The following IGSF10 variants were observed in gnomAD, a reference collection of about 807,000 sequenced individuals.
IGSF10 encodes the protein calvaria mechanical force protein 608.
Under a neutral mutation model 128.2 loss-of-function variants are expected in IGSF10, and 126 were observed. That is an observed-to-expected ratio of 0.98 (90% CI 0.85 to 1.14). The LOEUF is 1.14. Among genes scored for constraint, IGSF10 ranks in the 50% most tolerant of loss-of-function variants. IGSF10 has a pLI of 0.00. For synonymous variants in IGSF10, 1,185 were observed against 1,146.2 expected, an observed-to-expected ratio of 1.03 and a Z score of -0.68; for missense variants, 3,295 against 3,149.8, an observed-to-expected ratio of 1.05 and a Z score of -1.10.
the IGSF10 span, among the ~76,000 whole-genome samples, chr3:151,530,753 CA>C: frequency 6.6e-6 from 1 of 152,168 alleles, no homozygotes; most frequent in Non-Finnish European, 1.5e-5. Flanking sequence ...CTAGCCACTT[CA>C]AAAACATACC....
At chr3:151,599,304 T>C in the IGSF10 span, among the ~76,000 whole-genome samples, 2 of 152,066 alleles carry the variant, frequency 1.3e-5, no homozygotes, top group African/African-American at 4.8e-5. Context: ...AGGCTGAGGA[T>C]AGGCCAGCAC....
the IGSF10 span, among the ~76,000 whole-genome samples, chr3:151,531,882 A>T: frequency 1.3e-5 from 2 of 152,194 alleles, no homozygotes; most frequent in Non-Finnish European, 2.9e-5. Flanking sequence ...TCAAAATATC[A>T]ATGAACCCAG....
At chr3:151,553,406 G>T in the IGSF10 span, among the ~76,000 whole-genome samples, 1 of 151,872 alleles carries the variant, frequency 6.6e-6, no homozygotes, top group African/African-American at 2.4e-5. Context: ...CTATTCTTTT[G>T]AGTCAGTAGC....
chr3:151,435,707 A>ATCAT (rs1282050115), downstream of IGSF10: 2 of 152,210 alleles, frequency 1.3e-5, no homozygotes, highest in Non-Finnish European at 2.9e-5. Context: ...GATAAGATCA[A>ATCAT]TCATTTAATA....
the IGSF10 span, among the ~76,000 whole-genome samples, chr3:151,484,867 A>C: frequency 6.6e-6 from 1 of 152,220 alleles, no homozygotes; most frequent in South Asian, 2.1e-4. Context: ...AAAAAGGCTG[A>C]AAATTCCAAA....
At chr3:151,577,726 A>T in the IGSF10 span, among the ~76,000 whole-genome samples, 1 of 152,076 alleles carries the variant, frequency 6.6e-6, no homozygotes, top group Non-Finnish European at 1.5e-5. Context: ...GACCTCTGAG[A>T]ACTATAGATA....
the IGSF10 span, among the ~76,000 whole-genome samples, chr3:151,507,417 T>C: frequency 3.9e-5 from 6 of 152,160 alleles, no homozygotes; most frequent in African/African-American, 9.7e-5. Flanking sequence ...AAGTAGATAA[T>C]CTTAAAATAT....
downstream of IGSF10, chr3:151,432,768 A>G (rs1308157194): frequency 2.5e-6 from 4 of 1,613,292 alleles, no homozygotes; most frequent in Non-Finnish European, 3.4e-6. Flanking sequence ...AGCCACAGCA[A>G]GGAGTGACTC....
At chr3:151,591,727 T>G in the IGSF10 span, among the ~76,000 whole-genome samples, 665 of 152,108 alleles carry the variant, frequency 4.4e-3, 5 homozygotes, top group African/African-American at 0.015. Flanking sequence ...GCTGGAGAAA[T>G]GGCACTTAAG....
chr3:151,590,094 A>G, the IGSF10 span, among the ~76,000 whole-genome samples: 1 of 152,092 alleles, frequency 6.6e-6, no homozygotes, highest in Non-Finnish European at 1.5e-5. Flanking sequence ...GCTGGAGTGC[A>G]GTGGTGCAGT....
At chr3:151,538,977 G>A in the IGSF10 span, among the ~76,000 whole-genome samples, 1 of 152,166 alleles carries the variant, frequency 6.6e-6, no homozygotes, top group Non-Finnish European at 1.5e-5. Context: ...GGCATTTGAA[G>A]AGGCACGATA....
the IGSF10 span, among the ~76,000 whole-genome samples, chr3:151,509,617 CG>C: frequency 6.6e-6 from 1 of 152,188 alleles, no homozygotes; most frequent in African/African-American, 2.4e-5. Context: ...TGGGGAGTGC[CG>C]GACAGTGTGT....
intron 7 of IGSF10, among the ~76,000 whole-genome samples, chr3:151,439,612 T>C (rs889560022): frequency 3.3e-5 from 5 of 152,104 alleles, no homozygotes; most frequent in Non-Finnish European, 2.9e-5. Flanking sequence ...GAAACTGTTT[T>C]AGAAAAAAAT....
rs1040621748 is a variant in IGSF10 at position 151,437,031 on chromosome 3, A to G, written c.7530T>C (p.Asn2510=). The G allele has an allele frequency of 5.6e-6, 9 of 1,614,212 alleles. No homozygotes were observed. The highest frequency in any genetic ancestry group is 1.7e-5 in the Admixed American group (1 of 60,024). The change falls in exon 8 of 8, where the codon AAT becomes AAC. Residue 2510 remains asparagine (N), a synonymous_variant. Coordinates refer to ENST00000282466, the MANE Select transcript of IGSF10 (RefSeq NM_178822.5). ...CAGTAATCAGTGTATGACCAACACT[A>G]TTTTGAGCCTTACAGATATAGTTTC... ...DRGNYICKAQ[N]SVGHTLITVP... is the part of the protein sequence containing the mutation.
the IGSF10 span, among the ~76,000 whole-genome samples, chr3:151,478,530 A>AT: frequency 6.6e-6 from 1 of 152,228 alleles, no homozygotes; most frequent in African/African-American, 2.4e-5. Context: ...AGAGTAACAT[A>AT]TTACAGCATT....
chr3:151,583,455 G>A, the IGSF10 span, among the ~76,000 whole-genome samples: 1 of 152,282 alleles, frequency 6.6e-6, no homozygotes, highest in South Asian at 2.1e-4. Flanking sequence ...ATTTAAAAAT[G>A]TTTGCTTAAC....
chr3:151,607,707 A>G, the IGSF10 span, among the ~76,000 whole-genome samples: 1 of 151,404 alleles, frequency 6.6e-6, no homozygotes, highest in Non-Finnish European at 1.5e-5. Context: ...GTCAGGAGAT[A>G]GAGACCATCC....
At chr3:151,540,391 A>G in the IGSF10 span, among the ~76,000 whole-genome samples, 1 of 152,208 alleles carries the variant, frequency 6.6e-6, no homozygotes, top group Non-Finnish European at 1.5e-5. Context: ...GTAATACAGT[A>G]TGTACTCTGG....
the IGSF10 span, among the ~76,000 whole-genome samples, chr3:151,591,022 G>T: frequency 5.5e-4 from 84 of 152,226 alleles, no homozygotes; most frequent in African/African-American, 2.0e-3. Flanking sequence ...CTGGAGAAAG[G>T]GAGGCTACGT....
Sources: allele counts gnomAD v4.1 joint callset (sites outside exome capture counted in the v4.1 genomes callset), GRCh38; gene constraint gnomAD v4.1.1; transcripts MANE v1.5; gene names NCBI Gene and HGNC (gene_info 2026-07-23, HGNC 2026-07-21).